TAOK3: variants seen among roughly 807,000 people sequenced by gnomAD.
The protein encoded by TAOK3 is TAO kinase 3.
Under a neutral mutation model 120.4 loss-of-function variants are expected in TAOK3, and 40 were observed. The ratio of observed to expected loss-of-function variants is 0.33; its 90% CI spans 0.26 to 0.43. The LOEUF (loss-of-function observed/expected upper bound fraction) is 0.43, where lower values mean the gene tolerates loss of function less well. TAOK3 is among the 20% of genes least tolerant of loss of function. TAOK3 has a pLI of 1.00. For synonymous variants in TAOK3, 355 were observed against 387.5 expected (o/e 0.92, Z 0.99); for missense variants, 821 against 1,112.1 (o/e 0.74, Z 3.72).
At chr12:118,174,204 G>C (rs1400435799) in intron 16 of TAOK3, among the ~76,000 whole-genome samples, 1 of 152,154 alleles carries the variant, frequency 6.6e-6, no homozygotes, top group East Asian at 1.9e-4. Flanking sequence ...TCTATCAAAA[G>C]TGGTGATAAT....
chr12:118,281,927 T>C (rs956433913), intron 1 of TAOK3, among the ~76,000 whole-genome samples: 1 of 152,164 alleles, frequency 6.6e-6, no homozygotes, highest in Non-Finnish European at 1.5e-5. Context: ...TAACAACTAA[T>C]GTGATATAAA....
chr12:118,251,390 G>A (rs1413676344), intron 3 of TAOK3, among the ~76,000 whole-genome samples: 1 of 152,192 alleles, frequency 6.6e-6, no homozygotes, highest in Admixed American at 6.5e-5. Context: ...ATAGTACAGT[G>A]TCAGTTAATT....
At chr12:118,303,723 C>T (rs143534051) in intron 1 of TAOK3, among the ~76,000 whole-genome samples, 2,130 of 152,306 alleles carry the variant, frequency 0.014, 52 homozygotes, top group African/African-American at 0.048. Flanking sequence ...TCTCGGCTCA[C>T]TGCAACCTCC....
intron 1 of TAOK3, among the ~76,000 whole-genome samples, chr12:118,315,115 G>C (rs1163306242): frequency 6.6e-6 from 1 of 152,040 alleles, no homozygotes; most frequent in East Asian, 1.9e-4. Context: ...ACTTTTAGTA[G>C]AGATGGGGTT....
intron 1 of TAOK3, among the ~76,000 whole-genome samples, chr12:118,363,598 G>A (rs1430649998): frequency 2.0e-5 from 3 of 152,162 alleles, no homozygotes; most frequent in Non-Finnish European, 4.4e-5. Flanking sequence ...ACTCATGAAA[G>A]ATGGCATTAG....
intron 1 of TAOK3, among the ~76,000 whole-genome samples, chr12:118,278,139 A>T (rs2041968915): frequency 6.6e-6 from 1 of 151,920 alleles, no homozygotes; most frequent in Non-Finnish European, 1.5e-5. Flanking sequence ...GTAGAATTTG[A>T]ATTTATTTTT....
In TAOK3 at chr12:118,335,317, T is replaced by A. The variant is rs578133584; in HGVS notation, c.-194+37331A>T. Among the ~76,000 whole-genome samples, 18 of 152,188 alleles carry A rather than the reference T, an allele frequency of 1.2e-4. No individual in the cohort carries two copies. In the East Asian group the frequency reaches 3.5e-3, roughly 29 times the overall value. ...GGAGGTAATACAGATCTTGAAGCTA[T>A]TAAAAGGATAGTAGGGGAATACTAT... On this transcript the variant is annotated intron_variant, in intron 1 of 20. Coordinates refer to ENST00000392533, the MANE Select transcript of TAOK3 (RefSeq NM_016281.4).
At chr12:118,354,166 T>C (rs944048232) in intron 1 of TAOK3, among the ~76,000 whole-genome samples, 1 of 152,216 alleles carries the variant, frequency 6.6e-6, no homozygotes, top group African/African-American at 2.4e-5. Context: ...AGTATGGAAC[T>C]CTATATATAC....
chr12:118,292,051 C>T (rs2042505250), intron 1 of TAOK3, among the ~76,000 whole-genome samples: 1 of 152,142 alleles, frequency 6.6e-6, no homozygotes, highest in Non-Finnish European at 1.5e-5. Flanking sequence ...TCGTGATCTG[C>T]TGGCCTTGGC....
chr12:118,274,456 G>T (rs2041837178), intron 1 of TAOK3, among the ~76,000 whole-genome samples: 1 of 152,120 alleles, frequency 6.6e-6, no homozygotes, highest in Admixed American at 6.6e-5. Flanking sequence ...TAAATTATAT[G>T]AAGATTCTTC....
At chr12:118,280,424 T>C (rs2042059669) in intron 1 of TAOK3, among the ~76,000 whole-genome samples, 1 of 152,208 alleles carries the variant, frequency 6.6e-6, no homozygotes, top group African/African-American at 2.4e-5. Flanking sequence ...GCTAGCCAGT[T>C]ATCCCAGTAC....
chr12:118,270,898 C>T (rs1387035041), intron 1 of TAOK3, among the ~76,000 whole-genome samples: 2 of 151,832 alleles, frequency 1.3e-5, no homozygotes, highest in African/African-American at 2.4e-5. Flanking sequence ...AGGATGATCT[C>T]GATCTTCTGA....
At chr12:118,214,302 T>A in intron 9 of TAOK3, 192 bp from the exon 10 acceptor site, 1 of 517,952 alleles carries the variant, frequency 1.9e-6, no homozygotes. Context: ...GGACATTAAA[T>A]GTACATTGGC....
chr12:118,350,690 C>T (rs970403785), intron 1 of TAOK3, among the ~76,000 whole-genome samples: 1 of 150,856 alleles, frequency 6.6e-6, no homozygotes. Context: ...GAAACTCTGT[C>T]TCTACTAAAA....
chr12:118,226,658 C>T (rs1023537932), intron 9 of TAOK3, among the ~76,000 whole-genome samples: 3 of 152,008 alleles, frequency 2.0e-5, no homozygotes, highest in Non-Finnish European at 2.9e-5. Flanking sequence ...CACAATTTGA[C>T]ACTATCACTT....
At chr12:118,289,017 C>T (rs1013202429) in intron 1 of TAOK3, among the ~76,000 whole-genome samples, 4 of 147,502 alleles carry the variant, frequency 2.7e-5, no homozygotes, top group African/African-American at 5.0e-5. Context: ...AGTCAAAATT[C>T]GGCTGGGCAT....
In TAOK3 at chr12:118,213,929, A is replaced by G. The variant is rs932097210; in HGVS notation, c.737+88T>C. The G allele has an allele frequency of 1.0e-5, 12 of 1,161,672 alleles. No individual in the cohort carries two copies. The Admixed American group carries it at 2.5e-4, about 24-fold the overall frequency. The allele number at this position is 1,161,672 out of a possible 1,614,324, so 72.0% of individuals were successfully genotyped here. Reference sequence around the variant, plus strand: ...ACAGTGAAGGAAAGAAATGCTTTCTAGGTCAGATATTTAAAATGTAATGTA... The same window carrying G: ...ACAGTGAAGGAAAGAAATGCTTTCTGGGTCAGATATTTAAAATGTAATGTA... On this transcript the variant is annotated intron_variant, in intron 10 of 20. Coordinates refer to ENST00000392533, the MANE Select transcript of TAOK3 (RefSeq NM_016281.4).
At chr12:118,262,510 A>T (rs1040034572) in intron 2 of TAOK3, among the ~76,000 whole-genome samples, 3 of 151,922 alleles carry the variant, frequency 2.0e-5, no homozygotes, top group African/African-American at 7.2e-5. Flanking sequence ...AATCAAATTT[A>T]AAAATATCAT....
chr12:118,295,563 T>G (rs1027118544), intron 1 of TAOK3, among the ~76,000 whole-genome samples: 2 of 152,198 alleles, frequency 1.3e-5, no homozygotes, highest in African/African-American at 4.8e-5. Context: ...ATGTACATGT[T>G]TTCTCTCTCG....
Sources: allele counts gnomAD v4.1 joint callset (sites outside exome capture counted in the v4.1 genomes callset), GRCh38; gene constraint gnomAD v4.1.1; transcripts MANE v1.5; gene names NCBI Gene and HGNC (gene_info 2026-07-23, HGNC 2026-07-21).